Variants in PLD1 observed in about 807,000 individuals in gnomAD.
PLD1 encodes choline phosphatase 1.
Under a neutral mutation model 137.1 loss-of-function variants are expected in PLD1, and 112 were observed. The observed-to-expected ratio is 0.82, with a 90% CI of 0.70 to 0.96. The LOEUF (loss-of-function observed/expected upper bound fraction) is 0.96. Among genes scored for constraint, PLD1 ranks in the 40% least tolerant of loss-of-function variants. The pLI, the probability that PLD1 is intolerant of heterozygous loss-of-function variation, is 0.00. For missense variants in PLD1, 1,321 were observed against 1,342.0 expected (o/e 0.98, Z 0.24); for synonymous variants, 431 against 454.7 (o/e 0.95, Z 0.66).
At chr3:171,640,695 T>C (rs1311068736) in intron 23 of PLD1, among the ~76,000 whole-genome samples, 1 of 152,144 alleles carries the variant, frequency 6.6e-6, no homozygotes, top group Non-Finnish European at 1.5e-5. Context: ...CAGCCAGAGG[T>C]GAGAGCTTAG....
chr3:171,740,132 T>A (rs1348269671), intron 1 of PLD1, among the ~76,000 whole-genome samples: 1 of 152,198 alleles, frequency 6.6e-6, no homozygotes, highest in South Asian at 2.1e-4. Context: ...AGAGATGCCA[T>A]AAAAGTATTC....
intron 1 of PLD1, among the ~76,000 whole-genome samples, chr3:171,760,351 G>C (rs1327223295): frequency 6.6e-6 from 1 of 152,054 alleles, no homozygotes; most frequent in Non-Finnish European, 1.5e-5. Context: ...AGAATAATTA[G>C]AATGGATTTC....
intron 16 of PLD1, 117 bp from the exon 17 acceptor site, chr3:171,677,811 G>A: frequency 1.0e-6 from 1 of 995,826 alleles, no homozygotes. Context: ...GACACAACTA[G>A]GGTGGCATCT....
chr3:171,627,506 G>A (rs1291658919), intron 23 of PLD1, among the ~76,000 whole-genome samples: 1 of 152,030 alleles, frequency 6.6e-6, no homozygotes, highest in African/African-American at 2.4e-5. Flanking sequence ...GCACCAAGCG[G>A]ACCTAATAGA....
chr3:171,758,491 TGA>T (rs1279910887), intron 1 of PLD1, among the ~76,000 whole-genome samples: 14 of 152,212 alleles, frequency 9.2e-5, no homozygotes, highest in Non-Finnish European at 1.9e-4. Flanking sequence ...TCCTTGCTAC[TGA>T]GAGTGTGGTC....
chr3:171,642,835 C>G lies in PLD1; in HGVS notation c.2593+5G>C. 6.5e-7 allele frequency: 1 copy of G among 1,547,418 alleles called. No individual in the cohort carries two copies. The highest frequency in any genetic ancestry group is 1.2e-5 in the South Asian group (1 of 86,112). ...AATGATATGAGAAAAAAAGCAGTTA[C>G]TTACGCTCTGCTTTTAACTGTCCAA... On this transcript the variant is annotated splice_donor_5th_base_variant and intron_variant, in intron 23 of 26. Transcript: ENST00000351298.
At chr3:171,740,724 C>T (rs185583471) in intron 1 of PLD1, among the ~76,000 whole-genome samples, 15 of 152,250 alleles carry the variant, frequency 9.9e-5, no homozygotes, top group Admixed American at 3.3e-4. Flanking sequence ...TTATGAAAAA[C>T]TTGAAGAGTG....
chr3:171,754,397 T>C lies in PLD1; in HGVS notation c.-31-16315A>G, dbSNP rs548678142. Among the ~76,000 whole-genome samples the C allele has an allele frequency of 4.6e-5, 7 of 152,322 alleles. No individual in the cohort carries two copies. In the South Asian group the frequency reaches 1.4e-3, roughly 32 times the overall value. ...CAGGGGAAACTATTATTTTTAACCT[T>C]CTTTTCATTGAAGAAGTAATAACTC... On this transcript the variant is annotated intron_variant, in intron 1 of 26. Transcript: ENST00000351298.
intron 9 of PLD1, among the ~76,000 whole-genome samples, chr3:171,712,087 T>C (rs1578335113): frequency 6.6e-6 from 1 of 152,298 alleles, no homozygotes; most frequent in Middle Eastern, 3.4e-3. Context: ...GGAAGGGGGC[T>C]GTGTTCACAG....
At chr3:171,748,527 C>T (rs941631149) in intron 1 of PLD1, among the ~76,000 whole-genome samples, 6 of 152,032 alleles carry the variant, frequency 3.9e-5, no homozygotes, top group Non-Finnish European at 7.4e-5. Flanking sequence ...ATGAATTTCA[C>T]GTATGAGAAG....
At position 171,682,108 on chromosome 3, in the gene PLD1, AAAAGAAAGAAAGAAAG is replaced by A. The variant is rs61458676; in HGVS notation, c.1868-4430_1868-4415del. 1.5e-3 allele frequency among the ~76,000 whole-genome samples: 146 copies of A among 99,160 alleles called. 1 individual carries two copies. Among genetic ancestry groups the A allele is most frequent in the African/African-American group, 3.5e-3 (95 of 26,790 alleles). The allele number at this position is 99,160 out of a possible 152,430, so 65.1% of individuals were successfully genotyped here. ...GAACTTAAAGTATAATACAGAAAGA[AAAAGAAAGAAAGAAAG>A]AAAGAAAGAAAGAAAGAAAGAAAGA... is the stretch of plus-strand genomic sequence containing the variant. On this transcript the variant is annotated intron_variant, in intron 16 of 26. Transcript: ENST00000351298.
chr3:171,771,465 G>A (rs982196465), intron 1 of PLD1: 2 of 152,192 alleles, frequency 1.3e-5, no homozygotes, highest in East Asian at 1.9e-4. Context: ...AAGAGACACC[G>A]GACTGCTGTG....
At chr3:171,682,313 T>C (rs1388661605) in intron 16 of PLD1, among the ~76,000 whole-genome samples, 4 of 152,244 alleles carry the variant, frequency 2.6e-5, no homozygotes, top group Non-Finnish European at 5.9e-5. Context: ...ATTTCAGATA[T>C]GATTCCTAAC....
At chr3:171,753,371 C>T (rs1036544489) in intron 1 of PLD1, among the ~76,000 whole-genome samples, 14 of 152,218 alleles carry the variant, frequency 9.2e-5, no homozygotes, top group Non-Finnish European at 1.5e-4. Context: ...CAAACTTTGA[C>T]GAACTGGAAA....
chr3:171,793,718 T>G (rs977196931), intron 1 of PLD1: 3 of 152,212 alleles, frequency 2.0e-5, no homozygotes, highest in Non-Finnish European at 2.9e-5. Context: ...GTGCAAGATT[T>G]CATCACACTA....
At chr3:171,680,242 CTTT>C (rs571538714) in intron 16 of PLD1, among the ~76,000 whole-genome samples, 164 of 102,872 alleles carry the variant, frequency 1.6e-3, no homozygotes, top group Middle Eastern at 6.0e-3. Context: ...TTTTCTTCCT[CTTT>C]TTTTTTTTTT....
At chr3:171,734,165 G>C (rs923343274) in intron 5 of PLD1, among the ~76,000 whole-genome samples, 40 of 152,042 alleles carry the variant, frequency 2.6e-4, no homozygotes, top group African/African-American at 9.7e-4. Context: ...TATATGTCTA[G>C]GTATCTTGGA....
intron 23 of PLD1, among the ~76,000 whole-genome samples, chr3:171,629,192 A>C (rs1734426564): frequency 6.6e-6 from 1 of 152,054 alleles, no homozygotes; most frequent in Admixed American, 6.6e-5. Context: ...ATGTACAAAA[A>C]TCACAAGCAT....
At chr3:171,764,053 C>A (rs1031451469) in intron 1 of PLD1, among the ~76,000 whole-genome samples, 1 of 152,076 alleles carries the variant, frequency 6.6e-6, no homozygotes, top group African/African-American at 2.4e-5. Flanking sequence ...CTCACTGTAG[C>A]GTTGAACTCC....
Sources: allele counts gnomAD v4.1 joint callset (sites outside exome capture counted in the v4.1 genomes callset), GRCh38; gene constraint gnomAD v4.1.1; transcripts MANE v1.5; gene names NCBI Gene and HGNC (gene_info 2026-07-23, HGNC 2026-07-21).